SDK1: variants seen among roughly 807,000 people sequenced by gnomAD.
The protein encoded by SDK1 is protein sidekick-1.
SDK1 carries 157 observed loss-of-function variants against 245.5 expected under a neutral mutation model. That is an observed-to-expected ratio of 0.64 (90% CI 0.56 to 0.73). The LOEUF (loss-of-function observed/expected upper bound fraction) is 0.73, where lower values mean the gene tolerates loss of function less well. Ranked by LOEUF, SDK1 falls within the 30% of genes least tolerant of loss-of-function variation. The pLI, the probability that SDK1 is intolerant of heterozygous loss-of-function variation, is 0.00. For missense variants in SDK1, 3,583 were observed against 3,002.3 expected, an observed-to-expected ratio of 1.19 and a Z score of -4.52; for synonymous variants, 1,647 against 1,278.5, an observed-to-expected ratio of 1.29 and a Z score of -6.15.
intron 1 of SDK1, among the ~76,000 whole-genome samples, chr7:3,481,202 C>T (rs971194307): frequency 7.2e-5 from 11 of 152,042 alleles, no homozygotes; most frequent in Admixed American, 5.9e-4. Flanking sequence ...GGCAATAATC[C>T]TTTACAGTAG....
At chr7:4,156,260 G>C (rs981408617) in intron 30 of SDK1, among the ~76,000 whole-genome samples, 3 of 152,122 alleles carry the variant, frequency 2.0e-5, no homozygotes, top group African/African-American at 7.2e-5. Context: ...GGGAGGTCGT[G>C]GGAGAAGACA....
intron 5 of SDK1, among the ~76,000 whole-genome samples, chr7:3,888,559 T>C (rs926386900): frequency 6.6e-6 from 1 of 152,242 alleles, no homozygotes; most frequent in Non-Finnish European, 1.5e-5. Flanking sequence ...TGTAATTCCT[T>C]GATAATGGCA....
chr7:4,244,137 A>G (rs10479843), intron 43 of SDK1, among the ~76,000 whole-genome samples: 58,336 of 151,988 alleles, frequency 0.38, 11,854 homozygotes, highest in African/African-American at 0.52. Context: ...AGAGGTCTCC[A>G]TCCCCTCCAG....
chr7:3,370,254 G>C (rs933272679), intron 1 of SDK1, among the ~76,000 whole-genome samples: 9 of 152,188 alleles, frequency 5.9e-5, no homozygotes, highest in Non-Finnish European at 1.2e-4. Flanking sequence ...TATCAGACAA[G>C]TGGTGTTTTT....
intron 35 of SDK1, among the ~76,000 whole-genome samples, chr7:4,201,384 C>T (rs942984830): frequency 6.6e-6 from 1 of 152,106 alleles, no homozygotes; most frequent in Non-Finnish European, 1.5e-5. Flanking sequence ...TCCCATAGTT[C>T]CTTAGGAAAT....
chr7:3,953,252 G>A (rs1019987431), intron 7 of SDK1, among the ~76,000 whole-genome samples: 6 of 151,732 alleles, frequency 4.0e-5, no homozygotes, highest in Non-Finnish European at 7.4e-5. Context: ...CCTTGATCAC[G>A]TCCCATTCCT....
chr7:4,009,638 C>T (rs191418492), intron 14 of SDK1, among the ~76,000 whole-genome samples: 3 of 152,338 alleles, frequency 2.0e-5, no homozygotes. Flanking sequence ...TCCCAGAAAG[C>T]CATTTTTGGA....
At chr7:3,565,114 T>C (rs1779869560) in intron 1 of SDK1, among the ~76,000 whole-genome samples, 1 of 152,186 alleles carries the variant, frequency 6.6e-6, no homozygotes, top group African/African-American at 2.4e-5. Context: ...TACTTTTTTT[T>C]TTTTTTAAAC....
At chr7:3,312,319 C>T (rs1444978662) in intron 1 of SDK1, among the ~76,000 whole-genome samples, 1 of 152,042 alleles carries the variant, frequency 6.6e-6, no homozygotes, top group Non-Finnish European at 1.5e-5. Context: ...ACAAGTCATG[C>T]TATAGATGAG....
intron 5 of SDK1, among the ~76,000 whole-genome samples, chr7:3,936,184 C>A (rs374798105): frequency 5.3e-5 from 8 of 152,088 alleles, no homozygotes; most frequent in Non-Finnish European, 1.0e-4. Flanking sequence ...TATCTAGAAT[C>A]AAGTTCACAG....
At chr7:3,687,737 A>G (rs770322560) in intron 4 of SDK1, among the ~76,000 whole-genome samples, 1 of 152,174 alleles carries the variant, frequency 6.6e-6, no homozygotes, top group Non-Finnish European at 1.5e-5. Flanking sequence ...GAGAGGATAG[A>G]GCTGGATGCG....
At chr7:3,829,728 T>C (rs1779868269) in intron 5 of SDK1, among the ~76,000 whole-genome samples, 1 of 152,192 alleles carries the variant, frequency 6.6e-6, no homozygotes, top group Non-Finnish European at 1.5e-5. Flanking sequence ...GAGCTCTGTG[T>C]GTGCAGACCT....
chr7:4,139,425 G>GTA (rs1554358473), intron 28 of SDK1, among the ~76,000 whole-genome samples: 1 of 128,136 alleles, frequency 7.8e-6, no homozygotes, highest in African/African-American at 3.0e-5. Context: ...GTGTGTGTGT[G>GTA]TATGTATATA....
chr7:4,255,616 C>T (rs1787573433), intron 44 of SDK1, among the ~76,000 whole-genome samples: 1 of 152,196 alleles, frequency 6.6e-6, no homozygotes, highest in South Asian at 2.1e-4. Flanking sequence ...TACTCTTGGC[C>T]ATCTCTGCCT....
intron 1 of SDK1, among the ~76,000 whole-genome samples, chr7:3,342,335 T>A (rs1780370101): frequency 6.6e-6 from 1 of 152,188 alleles, no homozygotes; most frequent in African/African-American, 2.4e-5. Context: ...ATGCCTGTAA[T>A]CCCAGAACTT....
At chr7:4,206,512 C>G (rs1005889923) in intron 36 of SDK1, among the ~76,000 whole-genome samples, 1 of 152,210 alleles carries the variant, frequency 6.6e-6, no homozygotes, top group African/African-American at 2.4e-5. Flanking sequence ...CCTGGGAACC[C>G]TGCTTTGAGA....
chr7:3,802,613 C>G (rs1164182125), intron 4 of SDK1, among the ~76,000 whole-genome samples: 2 of 151,726 alleles, frequency 1.3e-5, no homozygotes, highest in Non-Finnish European at 2.9e-5. Context: ...AATTGTCATA[C>G]CTTCCCTGGC....
chr7:4,249,414 T>C (rs1393145759), intron 44 of SDK1, among the ~76,000 whole-genome samples: 2 of 152,224 alleles, frequency 1.3e-5, no homozygotes, highest in Non-Finnish European at 2.9e-5. Context: ...GCAAGCCCTG[T>C]GCTGGAGGAA....
chr7:3,687,627 C>T lies in SDK1; in HGVS notation c.713+45522C>T, dbSNP rs145733097. Among the ~76,000 whole-genome samples the T allele has an allele frequency of 2.0e-3, 307 of 152,284 alleles. 1 individual carries two copies. Among genetic ancestry groups the T allele is most frequent in the African/African-American group, 7.0e-3 (290 of 41,544 alleles). ...TGAAAAAAATTCAGTCCCAAGAGAT[C>T]GCATATGGTACGGCTCCATTTATAT... is the stretch of plus-strand genomic sequence containing the variant. On this transcript the variant is annotated intron_variant, in intron 4 of 44. Transcript: ENST00000404826.
Sources: gnomAD v4.1 joint callset for allele counts (sites outside exome capture counted in the v4.1 genomes callset) on GRCh38, gnomAD v4.1.1 for gene constraint, MANE v1.5 for transcripts, NCBI Gene and HGNC (gene_info 2026-07-23, HGNC 2026-07-21) for gene names.